The following ANK3 variants were observed in gnomAD, a reference collection of about 807,000 sequenced individuals.
The protein encoded by ANK3 is ankyrin 3, also known as ankyrin-3.
Under a neutral mutation model 370.9 loss-of-function variants are expected in ANK3, and 57 were observed. The ratio of observed to expected loss-of-function variants is 0.15; its 90% CI spans 0.12 to 0.19. ANK3 has a LOEUF of 0.19. Ranked by LOEUF, ANK3 falls within the 10% of genes least tolerant of loss-of-function variation. ANK3 has a pLI of 1.00. For synonymous variants in ANK3, 1,929 were observed against 1,946.3 expected (o/e 0.99, Z 0.23); for missense variants, 4,439 against 5,302.1 (o/e 0.84, Z 5.06).
At chr10:60,189,593 G>A (rs1349784835) in intron 16 of ANK3, among the ~76,000 whole-genome samples, 2 of 152,082 alleles carry the variant, frequency 1.3e-5, no homozygotes, top group Non-Finnish European at 2.9e-5. Context: ...TTTATCTTGA[G>A]GCTTATAATG....
chr10:60,504,639 A>G (rs1340298464), intron 2 of ANK3, among the ~76,000 whole-genome samples: 1 of 152,226 alleles, frequency 6.6e-6, no homozygotes, highest in Non-Finnish European at 1.5e-5. Context: ...AAATATTAAA[A>G]TAATAGAATC....
Position 60,389,615 on chromosome 10 carries a change from G to T in ANK3, c.-77C>A. ...GATATCCTCAGGCACCTCTAATCAG[G>T]CTTACAGCAGCATTCCAATCACTAG... On this transcript the variant is annotated 5_prime_UTR_variant, in exon 1 of 44. Coordinates refer to ENST00000280772, the MANE Select transcript of ANK3 (RefSeq NM_020987.5). The T allele has an allele frequency of 6.4e-7, 1 of 1,569,686 alleles. No homozygotes were observed. Among genetic ancestry groups the T allele is most frequent in the Non-Finnish European group, 8.6e-7 (1 of 1,162,990 alleles).
intron 1 of ANK3, among the ~76,000 whole-genome samples, chr10:60,643,491 C>T (rs2078663622): frequency 7.3e-6 from 1 of 137,688 alleles, no homozygotes; most frequent in South Asian, 2.5e-4. Flanking sequence ...ACTTAATAAA[C>T]TCCCCTTTAT....
intron 2 of ANK3, among the ~76,000 whole-genome samples, chr10:60,482,460 C>A (rs1401804555): frequency 6.6e-6 from 1 of 151,820 alleles, no homozygotes; most frequent in East Asian, 2.0e-4. Context: ...TTCTGAGATA[C>A]CTACCCAAAA....
intron 2 of ANK3, among the ~76,000 whole-genome samples, chr10:60,406,240 C>A (rs1192197383): frequency 2.0e-5 from 3 of 152,162 alleles, no homozygotes; most frequent in Admixed American, 6.5e-5. Flanking sequence ...CGTAAATGGA[C>A]ATGGCTGCAT....
intron 2 of ANK3, among the ~76,000 whole-genome samples, chr10:60,395,564 C>CTTTCTTTCTTTTCTTTCTTTCTTTCT (rs1555367097): frequency 1.8e-4 from 18 of 101,818 alleles, no homozygotes; most frequent in African/African-American, 7.2e-4. Context: ...TTCTTTCTTT[C>CTTTCTTTCTTTTCTTTCTTTCTTTCT]TTTCTTTCTT....
At chr10:60,681,757 G>C (rs2079198564) in intron 1 of ANK3, among the ~76,000 whole-genome samples, 2 of 152,188 alleles carry the variant, frequency 1.3e-5, no homozygotes, top group Non-Finnish European at 2.9e-5. Flanking sequence ...CTTGGACATG[G>C]AAGTAAGTTA....
intron 2 of ANK3, among the ~76,000 whole-genome samples, chr10:60,566,843 C>T (rs1451721800): frequency 7.9e-5 from 12 of 152,134 alleles, no homozygotes; most frequent in Non-Finnish European, 5.9e-5. Context: ...CCAATGTGCT[C>T]TACCTTGGGC....
At chr10:60,692,006 A>T (rs1157272741) in intron 1 of ANK3, among the ~76,000 whole-genome samples, 1 of 152,236 alleles carries the variant, frequency 6.6e-6, no homozygotes, top group African/African-American at 2.4e-5. Context: ...GAATATGCCA[A>T]GTAGCCCTCT....
intron 2 of ANK3, among the ~76,000 whole-genome samples, chr10:60,564,523 G>A (rs1269158546): frequency 6.6e-6 from 1 of 152,184 alleles, no homozygotes; most frequent in African/African-American, 2.4e-5. Flanking sequence ...TAGTAAGAGG[G>A]CATGGTGTGT....
intron 1 of ANK3, among the ~76,000 whole-genome samples, chr10:60,304,691 G>A (rs1484324034): frequency 6.6e-6 from 1 of 151,988 alleles, no homozygotes; most frequent in African/African-American, 2.4e-5. Flanking sequence ...TACAATTTTT[G>A]TTAATTTTTA....
intron 2 of ANK3, among the ~76,000 whole-genome samples, chr10:60,516,519 T>C (rs867102719): frequency 6.6e-6 from 1 of 152,256 alleles, no homozygotes; most frequent in South Asian, 2.1e-4. Flanking sequence ...TGTCTAATAT[T>C]TTGAAAGACT....
intron 1 of ANK3, among the ~76,000 whole-genome samples, chr10:60,285,096 A>T (rs1339998187): frequency 2.0e-5 from 3 of 152,130 alleles, no homozygotes; most frequent in Non-Finnish European, 4.4e-5. Context: ...AAGCACTGGA[A>T]TCACACAGCC....
intron 13 of ANK3, among the ~76,000 whole-genome samples, chr10:60,199,879 A>G (rs561302642): frequency 1.6e-3 from 241 of 152,302 alleles, no homozygotes; most frequent in African/African-American, 5.1e-3. Context: ...TCTGTTAGGG[A>G]CTAGCCGTGT....
intron 2 of ANK3, among the ~76,000 whole-genome samples, chr10:60,511,941 G>C (rs1448492531): frequency 6.6e-6 from 1 of 152,040 alleles, no homozygotes; most frequent in African/African-American, 2.4e-5. Context: ...ATTGAGTCAA[G>C]ATTGAAATAG....
chr10:60,350,871 C>G (rs1447448501), intron 1 of ANK3, among the ~76,000 whole-genome samples: 1 of 152,038 alleles, frequency 6.6e-6, no homozygotes, highest in Non-Finnish European at 1.5e-5. Context: ...TCCCTGTGCC[C>G]TTTGATACTT....
chr10:60,092,938 G>T (rs1488348794), intron 28 of ANK3, among the ~76,000 whole-genome samples: 1 of 152,200 alleles, frequency 6.6e-6, no homozygotes, highest in Non-Finnish European at 1.5e-5. Context: ...GTTTCACCAT[G>T]TTGGCCAGGC....
At chr10:60,731,770 T>C (rs2080025670) in intron 1 of ANK3, among the ~76,000 whole-genome samples, 1 of 152,170 alleles carries the variant, frequency 6.6e-6, no homozygotes, top group African/African-American at 2.4e-5. Flanking sequence ...TGCCTCCCTA[T>C]AAAGCCTACC....
At chr10:60,217,650 T>C (rs2096962043) in intron 8 of ANK3, among the ~76,000 whole-genome samples, 1 of 152,216 alleles carries the variant, frequency 6.6e-6, no homozygotes, top group Admixed American at 6.5e-5. Context: ...CTTTTGCATT[T>C]GCCGAGGAGT....
Sources: gnomAD v4.1 joint callset for allele counts (sites outside exome capture counted in the v4.1 genomes callset) on GRCh38, gnomAD v4.1.1 for gene constraint, MANE v1.5 for transcripts, NCBI Gene and HGNC (gene_info 2026-07-23, HGNC 2026-07-21) for gene names.